The following ATP8B4 variants were observed in gnomAD, a reference collection of about 807,000 sequenced individuals.
ATP8B4 encodes the protein probable phospholipid-transporting ATPase IM.
A neutral mutation model predicts 145.6 loss-of-function variants in ATP8B4; 133 were observed. The observed-to-expected ratio is 0.91, with a 90% CI of 0.79 to 1.05. ATP8B4 has a LOEUF of 1.05. Among genes scored for constraint, ATP8B4 ranks in the 50% least tolerant of loss-of-function variants. ATP8B4 has a pLI of 0.00. For synonymous variants in ATP8B4, 507 were observed against 492.9 expected (o/e 1.03, Z -0.38); for missense variants, 1,458 against 1,425.2 (o/e 1.02, Z -0.37).
intron 6 of ATP8B4, among the ~76,000 whole-genome samples, chr15:50,037,565 G>T (rs953175398): frequency 9.2e-5 from 14 of 152,130 alleles, no homozygotes; most frequent in African/African-American, 3.4e-4. Flanking sequence ...ACTTCCCCAA[G>T]ACCACAGAAT....
At chr15:49,874,441 G>T (rs1350094157) in intron 25 of ATP8B4, among the ~76,000 whole-genome samples, 1 of 152,180 alleles carries the variant, frequency 6.6e-6, no homozygotes, top group Admixed American at 6.5e-5. Context: ...TGTGGCTGGG[G>T]CGTGTGAGTA....
chr15:50,073,013 TATATATACACACACAC>T (rs1347886650), intron 3 of ATP8B4, among the ~76,000 whole-genome samples: 50 of 40,594 alleles, frequency 1.2e-3, no homozygotes, highest in African/African-American at 3.9e-3. Flanking sequence ...TATATATATA[TATATATACACACACAC>T]ACACACACAC....
intron 1 of ATP8B4, among the ~76,000 whole-genome samples, chr15:50,141,380 A>G (rs969824910): frequency 5.3e-5 from 8 of 152,128 alleles, no homozygotes; most frequent in African/African-American, 1.7e-4. Flanking sequence ...TTTGATTCCT[A>G]TTGGAGAAAG....
intron 3 of ATP8B4, among the ~76,000 whole-genome samples, chr15:50,053,289 G>A (rs562604967): frequency 1.3e-5 from 2 of 152,308 alleles, no homozygotes; most frequent in South Asian, 2.1e-4. Flanking sequence ...CAGCTTGTAA[G>A]TGGTGATTGT....
chr15:49,909,384 T>A (rs1381350363), intron 20 of ATP8B4, among the ~76,000 whole-genome samples: 1 of 152,184 alleles, frequency 6.6e-6, no homozygotes, highest in African/African-American at 2.4e-5. Context: ...CATAGGCTAT[T>A]TGGGAGCCAG....
At chr15:50,152,879 G>A (rs1209198455) in intron 1 of ATP8B4, among the ~76,000 whole-genome samples, 1 of 152,156 alleles carries the variant, frequency 6.6e-6, no homozygotes, top group African/African-American at 2.4e-5. Flanking sequence ...TTTTGTGGAG[G>A]TTTTTAGGCC....
chr15:50,117,504 C>CA (rs917724185), intron 1 of ATP8B4, among the ~76,000 whole-genome samples: 2 of 151,724 alleles, frequency 1.3e-5, no homozygotes, highest in Non-Finnish European at 2.9e-5. Flanking sequence ...TCCAGGGGCA[C>CA]AAAAAAAATC....
Position 49,901,303 on chromosome 15 carries a change from C to T in ATP8B4, c.2142-64G>A, listed in dbSNP as rs188574725. ...TACAGAGCATGCCTACTAATTCTAACAAGAAACTTGCCTAGAGGTAAATTT... is the reference window on the plus strand; with the variant it reads ...TACAGAGCATGCCTACTAATTCTAATAAGAAACTTGCCTAGAGGTAAATTT... On this transcript the variant is annotated intron_variant, in intron 20 of 27. Coordinates refer to ENST00000284509, the MANE Select transcript of ATP8B4 (RefSeq NM_024837.4). 7.5e-5 allele frequency: 113 copies of T among 1,510,178 alleles called. No homozygotes were observed. In the East Asian group the frequency reaches 2.5e-3, roughly 33 times the overall value. 93.5% of individuals were successfully genotyped at this position (1,510,178 alleles called of 1,614,324 possible).
In ATP8B4 at chr15:50,088,060, T is replaced by A. The variant is rs1461398227; in HGVS notation, c.29-13875A>T. ...AATATTTTTATTATACCTGATTTTG[T>A]ATTTTGTATTTATATTAGCTTAAGA... On this transcript the variant is annotated intron_variant, in intron 2 of 27. Transcript: ENST00000284509. Among the ~76,000 whole-genome samples the A allele has an allele frequency of 2.0e-5, 3 of 152,130 alleles. No individual in the cohort carries two copies. In the East Asian group the frequency reaches 5.8e-4, roughly 29 times the overall value.
intron 1 of ATP8B4, among the ~76,000 whole-genome samples, chr15:50,138,836 A>G (rs1442225608): frequency 6.6e-6 from 1 of 152,200 alleles, no homozygotes; most frequent in Non-Finnish European, 1.5e-5. Flanking sequence ...GTCTGTCTGC[A>G]TTGTAAATCC....
chr15:50,013,092 A>T (rs2048836778), intron 6 of ATP8B4, among the ~76,000 whole-genome samples: 1 of 152,150 alleles, frequency 6.6e-6, no homozygotes, highest in Non-Finnish European at 1.5e-5. Flanking sequence ...CACTGACAAT[A>T]ATACATAAAA....
At chr15:50,137,353 C>T (rs1304788977) in intron 1 of ATP8B4, among the ~76,000 whole-genome samples, 1 of 152,218 alleles carries the variant, frequency 6.6e-6, no homozygotes, top group East Asian at 1.9e-4. Flanking sequence ...CCGGCACATT[C>T]TGGAAGGCTC....
chr15:50,045,495 G>A (rs925405428), intron 4 of ATP8B4, among the ~76,000 whole-genome samples: 11 of 152,084 alleles, frequency 7.2e-5, no homozygotes, highest in South Asian at 4.2e-4. Context: ...CTGCTGCTTC[G>A]GGGCCATCAG....
rs36110912 is a variant in ATP8B4, at chr15:50,006,284, C to CA, written c.436-4062dup. On this transcript the variant is annotated intron_variant, in intron 7 of 27. Coordinates refer to ENST00000284509, the MANE Select transcript of ATP8B4 (RefSeq NM_024837.4). ...TTAACAGGCAGGCTGTTCCTCTAGTCAAAAAAAAAAAAAATCCTTGCCTGA... is the reference window on the plus strand; with the variant it reads ...TTAACAGGCAGGCTGTTCCTCTAGTCAAAAAAAAAAAAAAATCCTTGCCTGA... 4.8e-3 allele frequency among the ~76,000 whole-genome samples: 651 copies of CA among 134,246 alleles called. 3 individuals are homozygous for CA. Among genetic ancestry groups the CA allele is most frequent in the African/African-American group, 0.014 (543 of 38,770 alleles). The allele number at this position is 134,246 out of a possible 152,430, so 88.1% of individuals were successfully genotyped here.
rs1374091138 is a variant in ATP8B4 at position 49,860,263 on chromosome 15, A to G, written c.3510T>C (p.Ile1170=). Residue 1170 remains isoleucine (I), a synonymous_variant, in exon 28 of 28, where the codon ATT becomes ATC. Transcript: ENST00000284509. The part of the protein sequence containing the change: ...EKTHYNSTSW[I]ENLCKKTTDT... Reference sequence around the variant, plus strand: ...CTGTGGTTTTCTTACATAAATTTTCAATCCAGCTAGTGCTATTATAATGTG... The same window carrying G: ...CTGTGGTTTTCTTACATAAATTTTCGATCCAGCTAGTGCTATTATAATGTG... 1.9e-6 allele frequency: 3 copies of G among 1,614,038 alleles called. No individual in the cohort carries two copies. Among genetic ancestry groups the G allele is most frequent in the Admixed American group, 1.7e-5 (1 of 60,004 alleles).
chr15:50,134,809 A>C (rs1595634282), intron 1 of ATP8B4, among the ~76,000 whole-genome samples: 2 of 152,212 alleles, frequency 1.3e-5, no homozygotes, highest in African/African-American at 4.8e-5. Context: ...TGGCTAGGGG[A>C]ATGTTGGTGG....
chr15:49,989,138 T>A lies in ATP8B4; in HGVS notation c.590-1589A>T, dbSNP rs144687778. Reference sequence around the variant, plus strand: ...GCCAAGGGAAGGGGCTGAATTCTGGTTAGCTCCGTGATAGCCTATCACTGA... The same window carrying A: ...GCCAAGGGAAGGGGCTGAATTCTGGATAGCTCCGTGATAGCCTATCACTGA... On this transcript the variant is annotated intron_variant, in intron 9 of 27. Transcript: ENST00000284509. 4.1e-3 allele frequency among the ~76,000 whole-genome samples: 631 copies of A among 152,288 alleles called. 4 individuals carry two copies. Among genetic ancestry groups the A allele is most frequent in the Admixed American group, 6.4e-3 (98 of 15,282 alleles).
Position 50,096,946 on chromosome 15 carries a change from G to A in ATP8B4, c.28+9993C>T, listed in dbSNP as rs112397055. On this transcript the variant is annotated intron_variant, in intron 2 of 27. Transcript: ENST00000284509. ...CAGCACTGTCTTATGTATGTCACTC[G>A]CTGGCCAGCACCACGTGGTACTTCA... 2.3e-3 allele frequency among the ~76,000 whole-genome samples: 345 copies of A among 152,230 alleles called. 2 individuals are homozygous for A. Among genetic ancestry groups the A allele is most frequent in the African/African-American group, 7.9e-3 (330 of 41,522 alleles).
chr15:50,121,370 A>G (rs1489646511), upstream of ATP8B4, among the ~76,000 whole-genome samples: 3 of 152,154 alleles, frequency 2.0e-5, no homozygotes, highest in East Asian at 5.8e-4. Context: ...TAATGGGTAC[A>G]GGGTTTCAGA....
Sources: gnomAD v4.1 joint callset for allele counts (sites outside exome capture counted in the v4.1 genomes callset) on GRCh38, gnomAD v4.1.1 for gene constraint, MANE v1.5 for transcripts, NCBI Gene and HGNC (gene_info 2026-07-23, HGNC 2026-07-21) for gene names.